The following PTPRO variants were observed in gnomAD, a reference collection of about 807,000 sequenced individuals.
The protein encoded by PTPRO is protein tyrosine phosphatase receptor type O, also known as receptor-type tyrosine-protein phosphatase O.
In PTPRO, 62 loss-of-function variants were observed where a neutral mutation model predicts 145.2. The observed-to-expected ratio is 0.43, with a 90% CI of 0.35 to 0.53. PTPRO has a LOEUF of 0.53. PTPRO is among the 20% of genes least tolerant of loss of function. The probability of loss-of-function intolerance (pLI) is 0.01; values close to 1 mark genes in which losing one functional copy is unlikely to be tolerated. For synonymous variants in PTPRO, 565 were observed against 514.7 expected, an observed-to-expected ratio of 1.10 and a Z score of -1.32; for missense variants, 1,345 against 1,482.7, an observed-to-expected ratio of 0.91 and a Z score of 1.53.
intron 12 of PTPRO, among the ~76,000 whole-genome samples, chr12:15,539,917 A>C (rs1943147196): frequency 6.6e-6 from 1 of 150,888 alleles, no homozygotes; most frequent in African/African-American, 2.5e-5. Context: ...TATTTGCCTG[A>C]ATTTTTTTTT....
At chr12:15,383,001 A>AT (rs1443207144) in intron 1 of PTPRO, among the ~76,000 whole-genome samples, 1 of 152,174 alleles carries the variant, frequency 6.6e-6, no homozygotes, top group African/African-American at 2.4e-5. Flanking sequence ...GCAATTTTAA[A>AT]ATATACAATA....
At chr12:15,587,160 C>A in intron 24 of PTPRO, 109 bp downstream of exon 24, 1 of 1,246,498 alleles carries the variant, frequency 8.0e-7, no homozygotes, top group Non-Finnish European at 1.1e-6. Flanking sequence ...ATTAAATAAA[C>A]TCTGATGTTT....
chr12:15,333,979 T>C (rs1195700370), intron 1 of PTPRO, among the ~76,000 whole-genome samples: 2 of 152,202 alleles, frequency 1.3e-5, no homozygotes, highest in Non-Finnish European at 2.9e-5. Context: ...AGTAAGTTTT[T>C]AAAATGTAAA....
intron 11 of PTPRO, among the ~76,000 whole-genome samples, chr12:15,525,365 G>A (rs1410716196): frequency 6.6e-6 from 1 of 152,116 alleles, no homozygotes; most frequent in East Asian, 1.9e-4. Flanking sequence ...TTATTGATAA[G>A]GGGACAGACT....
intron 12 of PTPRO, among the ~76,000 whole-genome samples, chr12:15,538,375 C>T (rs1943109670): frequency 6.6e-6 from 1 of 152,122 alleles, no homozygotes; most frequent in Non-Finnish European, 1.5e-5. Flanking sequence ...CAGGTGCGCA[C>T]CACCACGCCT....
At chr12:15,458,032 A>C (rs1010711932) in intron 1 of PTPRO, among the ~76,000 whole-genome samples, 7 of 152,172 alleles carry the variant, frequency 4.6e-5, no homozygotes, top group African/African-American at 1.7e-4. Flanking sequence ...ATTTCTTGTA[A>C]AGCAGTTCCG....
intron 1 of PTPRO, among the ~76,000 whole-genome samples, chr12:15,466,598 GT>G (rs1043508541): frequency 6.6e-6 from 1 of 152,152 alleles, no homozygotes; most frequent in African/African-American, 2.4e-5. Context: ...AGCACATAGT[GT>G]GTGTAACATC....
intron 18 of PTPRO, among the ~76,000 whole-genome samples, chr12:15,566,834 C>G (rs1943911824): frequency 6.6e-6 from 1 of 152,044 alleles, no homozygotes; most frequent in Non-Finnish European, 1.5e-5. Context: ...AAGTCAATTT[C>G]AAACCAGCAT....
At chr12:15,486,446 T>G (rs1194742890) in intron 2 of PTPRO, among the ~76,000 whole-genome samples, 1 of 152,214 alleles carries the variant, frequency 6.6e-6, no homozygotes, top group Non-Finnish European at 1.5e-5. Flanking sequence ...AAGGGTTTCC[T>G]GCAGACAGCA....
intron 1 of PTPRO, among the ~76,000 whole-genome samples, chr12:15,380,902 C>T (rs561619467): frequency 2.3e-4 from 35 of 152,000 alleles, no homozygotes; most frequent in Admixed American, 4.6e-4. Flanking sequence ...AGGATTTTAC[C>T]GCTGTGAATG....
intron 16 of PTPRO, among the ~76,000 whole-genome samples, chr12:15,557,726 T>A (rs1004787990): frequency 1.3e-5 from 2 of 152,000 alleles, no homozygotes; most frequent in Non-Finnish European, 2.9e-5. Context: ...GAAAGCATCA[T>A]GGTCTGCTCT....
intron 1 of PTPRO, among the ~76,000 whole-genome samples, chr12:15,340,558 C>T (rs565642910): frequency 2.6e-5 from 4 of 152,272 alleles, no homozygotes; most frequent in Admixed American, 6.5e-5. Flanking sequence ...TATTCGTAAA[C>T]GTCAGGCTTA....
At chr12:15,331,215 G>A (rs1866598900) in intron 1 of PTPRO, among the ~76,000 whole-genome samples, 1 of 152,120 alleles carries the variant, frequency 6.6e-6, no homozygotes, top group African/African-American at 2.4e-5. Flanking sequence ...TTCAAGTGGA[G>A]GACTTGGCAA....
chr12:15,427,809 T>C (rs1940324240), intron 1 of PTPRO, among the ~76,000 whole-genome samples: 1 of 126,808 alleles, frequency 7.9e-6, no homozygotes, highest in Non-Finnish European at 1.8e-5. Flanking sequence ...CAATTTGTTC[T>C]TGCTTTATGA....
chr12:15,463,115 A>C (rs929641314), intron 1 of PTPRO, among the ~76,000 whole-genome samples: 1 of 152,202 alleles, frequency 6.6e-6, no homozygotes. Context: ...CTTAATGGGA[A>C]AGGCTTGAGA....
chr12:15,585,261 A>G (rs565729769), intron 23 of PTPRO, among the ~76,000 whole-genome samples: 2 of 152,358 alleles, frequency 1.3e-5, no homozygotes, highest in African/African-American at 4.8e-5. Flanking sequence ...CCTGGCAACC[A>G]AAGTTATCTG....
Position 15,502,005 on chromosome 12 carries a change from G to T in PTPRO, c.1047G>T (p.Trp349Cys). The T allele has an allele frequency of 1.2e-6, 2 of 1,613,932 alleles. No individual in the cohort carries two copies. The highest frequency in any genetic ancestry group is 1.7e-6 in the Non-Finnish European group (2 of 1,179,908). ...SFFPVQMILT[W>C]LPPKPPTAFD... ...TCCCTGTGCAAATGATATTGACCTG[G>T]TTACCACCCAAACCACCCACTGCTT... Residue 349 changes from tryptophan to cysteine, a missense_variant, in exon 5 of 27, where the codon TGG (tryptophan) becomes TGT (cysteine). Trp to Cys is a radical substitution (Grantham distance 215). Around this residue, in one of 3 missense-constraint regions of PTPRO, gnomAD observed 1,130 missense variants for 1,214.7 expected, o/e 0.93. Coordinates refer to ENST00000281171, the MANE Select transcript of PTPRO (RefSeq NM_030667.3).
intron 1 of PTPRO, among the ~76,000 whole-genome samples, chr12:15,335,498 T>A (rs1413395841): frequency 5.3e-5 from 8 of 152,134 alleles, no homozygotes; most frequent in Non-Finnish European, 1.0e-4. Context: ...CCTCTGCAAT[T>A]TTCCCTAACT....
intron 10 of PTPRO, among the ~76,000 whole-genome samples, chr12:15,520,943 A>G (rs949692472): frequency 6.6e-6 from 1 of 152,218 alleles, no homozygotes; most frequent in African/African-American, 2.4e-5. Context: ...TACACGACAC[A>G]AAGTTTAAGC....
Sources: allele counts gnomAD v4.1 joint callset (sites outside exome capture counted in the v4.1 genomes callset), GRCh38; gene constraint gnomAD v4.1.1; regional missense constraint gnomAD v4.1.1; transcripts MANE v1.5; gene names NCBI Gene and HGNC (gene_info 2026-07-23, HGNC 2026-07-21).